Variants in KMT2C observed in about 807,000 individuals in gnomAD.
The protein encoded by KMT2C is histone-lysine N-methyltransferase 2C.
In KMT2C, 88 loss-of-function variants were observed where a neutral mutation model predicts 507.9. The observed-to-expected ratio is 0.17, with a 90% CI of 0.15 to 0.21. The LOEUF (loss-of-function observed/expected upper bound fraction) is 0.21, where lower values mean the gene tolerates loss of function less well. KMT2C is among the 10% of genes least tolerant of loss of function. The pLI, the probability that KMT2C is intolerant of heterozygous loss-of-function variation, is 1.00. For missense variants in KMT2C, 4,954 were observed against 5,957.8 expected (o/e 0.83, Z 5.55); for synonymous variants, 2,049 against 2,080.8 (o/e 0.98, Z 0.42).
At chr7:152,153,731 TAA>T (rs34303062) in intron 48 of KMT2C, among the ~76,000 whole-genome samples, 14,687 of 129,336 alleles carry the variant, frequency 0.11, 1,852 homozygotes, top group African/African-American at 0.31. Flanking sequence ...GTGTCTCTAT[TAA>T]AAAAAAAAAA....
rs1041674871 is a variant in KMT2C, at chr7:152,326,085, T to C, written c.389+4516A>G. On this transcript the variant is annotated intron_variant, in intron 3 of 58. Transcript: ENST00000262189. The stretch of plus-strand genomic sequence containing the variant: ...TTGGTCTATTTGTCTGTTTCTGTGG[T>C]AATACAGCACTGACTTAATTTATTA... Among the ~76,000 whole-genome samples the C allele has an allele frequency of 5.9e-5, 9 of 152,308 alleles. No individual in the cohort carries two copies. The South Asian group carries it at 1.9e-3, about 32-fold the overall frequency.
intron 43 of KMT2C, among the ~76,000 whole-genome samples, chr7:152,161,341 T>C (rs1020511270): frequency 9.2e-5 from 14 of 152,116 alleles, no homozygotes; most frequent in Non-Finnish European, 2.1e-4. Flanking sequence ...TTAATTAAAA[T>C]ATGAAAATGA....
chr7:152,262,404 T>C (rs1372909653), intron 9 of KMT2C, among the ~76,000 whole-genome samples: 1 of 152,176 alleles, frequency 6.6e-6, no homozygotes, highest in East Asian at 1.9e-4. Context: ...AACCGCACCT[T>C]GGATTCCAAG....
intron 6 of KMT2C, among the ~76,000 whole-genome samples, chr7:152,308,514 A>C (rs2129198204): frequency 6.6e-6 from 1 of 151,738 alleles, no homozygotes; most frequent in East Asian, 1.9e-4. Flanking sequence ...CATCTCTACT[A>C]AATATACAAA....
Position 152,181,244 on chromosome 7 carries a change from G to A in KMT2C, c.6616C>T (p.Pro2206Ser), listed in dbSNP as rs2093425013. 5 of 1,614,014 alleles carry A rather than the reference G, an allele frequency of 3.1e-6. No homozygotes were observed. The highest frequency in any genetic ancestry group is 4.2e-6 in the Non-Finnish European group (5 of 1,180,036). Residue 2206 changes from proline (P) to serine (S), a missense_variant, in exon 36 of 59, where the codon CCT becomes TCT. By Grantham distance (74) the Pro-to-Ser change is moderately conservative. Transcript: ENST00000262189. Reference protein sequence around the residue: ...NQRHSDPYAHPPGTPRPGISV... With the variant: ...NQRHSDPYAHSPGTPRPGISV... ...ATTCCAGGTCTTGGTGTTCCAGGAG[G>A]ATGAGCATATGGATCAGAATGCCTC...
chr7:152,151,445 G>T lies in KMT2C; in HGVS notation c.12663C>A (p.Asn4221Lys). The T allele has an allele frequency of 1.9e-6, 3 of 1,613,938 alleles. No homozygotes were observed. Among genetic ancestry groups the T allele is most frequent in the Non-Finnish European group, 2.5e-6 (3 of 1,179,896 alleles). ...RKSFKDLTLL[N>K]KDSRESTKRV... ...CATAAAAGGAGTAGCAAAGTACCTT[G>T]TTCAAAAGGGTCAGATCTTTGAAAG... Residue 4221 changes from asparagine to lysine, a missense_variant, in exon 50 of 59, where the codon AAC becomes AAA. Asn to Lys is a moderately conservative substitution (Grantham distance 94). Coordinates refer to ENST00000262189, the MANE Select transcript of KMT2C (RefSeq NM_170606.3).
chr7:152,239,091 T>A, intron 14 of KMT2C: 1 of 294,144 alleles, frequency 3.4e-6, no homozygotes, highest in Non-Finnish European at 6.3e-6. Context: ...AAAATTAAGG[T>A]TTATAGGACA....
intron 3 of KMT2C, among the ~76,000 whole-genome samples, chr7:152,325,911 CT>C (rs74740965): frequency 7.3e-3 from 994 of 136,044 alleles, no homozygotes; most frequent in East Asian, 8.1e-3. Flanking sequence ...TTAGGTCTTT[CT>C]TTTTTTTTTT....
At chr7:152,253,514 CAAAAA>C (rs71198770) in intron 9 of KMT2C, among the ~76,000 whole-genome samples, 73 of 39,506 alleles carry the variant, frequency 1.8e-3, no homozygotes, top group African/African-American at 4.9e-3. Context: ...TCTTTCTCTA[CAAAAA>C]AAAAAAAAAA....
chr7:152,231,032 G>A (rs1358156762), intron 16 of KMT2C, among the ~76,000 whole-genome samples: 2 of 152,096 alleles, frequency 1.3e-5, no homozygotes, highest in African/African-American at 4.8e-5. Flanking sequence ...GGTCAGGCTG[G>A]TCTCTAACTC....
At chr7:152,328,354 G>C (rs569952697) in intron 3 of KMT2C, among the ~76,000 whole-genome samples, 1 of 152,242 alleles carries the variant, frequency 6.6e-6, no homozygotes, top group East Asian at 1.9e-4. Context: ...TTCAGAGGAG[G>C]CTAGTATTAT....
At position 152,148,484 on chromosome 7, in the gene KMT2C, G is replaced by C. The variant is rs2129095329; in HGVS notation, c.13443C>G (p.Asn4481Lys). The change falls in exon 52 of 59, where the codon AAC becomes AAG. Residue 4481 changes from asparagine (N) to lysine (K), a missense_variant. Coordinates refer to ENST00000262189, the MANE Select transcript of KMT2C (RefSeq NM_170606.3). This position sits in a 1 kb window ranked among gnomAD's most constrained non-coding sequence, Gnocchi z 7.1. ...TSGCHRFRCT[N>K]IYHFTCAIKA... ...TAATGGCGCAAGTGAAGTGATAAAT[G>C]TTGGTGCATCGAAATCTGTGGCATC... 1.9e-6 allele frequency: 3 copies of C among 1,614,286 alleles called. No individual in the cohort carries two copies. The highest frequency in any genetic ancestry group is 2.5e-6 in the Non-Finnish European group (3 of 1,180,054).
intron 1 of KMT2C, among the ~76,000 whole-genome samples, chr7:152,410,411 C>CA (rs66620029): frequency 0.06 from 6,395 of 106,032 alleles, 188 homozygotes; most frequent in South Asian, 0.1. Context: ...GACCCTGTCT[C>CA]AAAAAAAAAA....
At chr7:152,264,960 T>C in intron 8 of KMT2C, 78 bp downstream of exon 8, 12 of 1,515,896 alleles carry the variant, frequency 7.9e-6, no homozygotes, top group Non-Finnish European at 1.1e-5. Context: ...CTCTATTATA[T>C]TACACAAACC....
At chr7:152,426,030 A>C (rs55922504) in intron 1 of KMT2C, among the ~76,000 whole-genome samples, 38,718 of 151,928 alleles carry the variant, frequency 0.25, 5,820 homozygotes, top group Middle Eastern at 0.35. Context: ...GAATAATATT[A>C]CTACATATAC....
intron 1 of KMT2C, among the ~76,000 whole-genome samples, chr7:152,386,793 A>AC (rs1237030370): frequency 6.6e-6 from 1 of 152,238 alleles, no homozygotes; most frequent in Non-Finnish European, 1.5e-5. Context: ...TTCCTATTCA[A>AC]CAGTTGAGGA....
At chr7:152,348,596 T>C (rs2097082305) in intron 2 of KMT2C, among the ~76,000 whole-genome samples, 1 of 75,582 alleles carries the variant, frequency 1.3e-5, no homozygotes, top group Non-Finnish European at 2.4e-5. Context: ...CAAAACTCTG[T>C]CTTAAAAAAA....
At chr7:152,413,751 G>C (rs574572017) in intron 1 of KMT2C, among the ~76,000 whole-genome samples, 1 of 151,994 alleles carries the variant, frequency 6.6e-6, no homozygotes, top group African/African-American at 2.4e-5. Context: ...CAGGTGTGGT[G>C]GCGGGCGCCT....
At chr7:152,303,262 A>G (rs1364451698) in intron 6 of KMT2C, among the ~76,000 whole-genome samples, 3 of 152,212 alleles carry the variant, frequency 2.0e-5, no homozygotes, top group Non-Finnish European at 4.4e-5. Context: ...CTTTAAATAT[A>G]TTAATTTTAA....
Sources: gnomAD v4.1 joint callset for allele counts (sites outside exome capture counted in the v4.1 genomes callset) on GRCh38, gnomAD v4.1.1 for gene constraint, Gnocchi (gnomAD v3.1) non-coding constraint, MANE v1.5 for transcripts, NCBI Gene and HGNC (gene_info 2026-07-23, HGNC 2026-07-21) for gene names.